Variants in ZC4H2 observed in about 807,000 individuals in gnomAD.
The protein encoded by ZC4H2 is zinc finger C4H2 domain-containing protein.
For missense variants in ZC4H2, 137 were observed against 173.9 expected (o/e 0.79, Z 1.19); for synonymous variants, 84 against 66.3 (o/e 1.27, Z -1.30).
At chrX:64,918,935 AAAG>A in intron 4 of ZC4H2, 104 bp downstream of exon 4, 2 of 1,008,662 alleles carry the variant, frequency 2.0e-6, no homozygotes, top group Non-Finnish European at 2.6e-6. Context: ...AAGGCCATTA[AAAG>A]AAGGCCCAGC....
chrX:65,022,188 C>T (rs1368579435), intron 1 of ZC4H2, among the ~76,000 whole-genome samples: 2 of 111,721 alleles, frequency 1.8e-5, no homozygotes, highest in Non-Finnish European at 3.8e-5. Flanking sequence ...AGGCCAGCAT[C>T]ATCCTGATAC....
At chrX:64,950,985 T>G (rs759665223) in intron 1 of ZC4H2, among the ~76,000 whole-genome samples, 160 of 109,740 alleles carry the variant, frequency 1.5e-3, no homozygotes, top group African/African-American at 4.6e-3. Flanking sequence ...GTCCCCAGAG[T>G]GTGATGTTCC....
intron 1 of ZC4H2, among the ~76,000 whole-genome samples, chrX:64,969,891 T>G (rs1931718372): frequency 9.0e-6 from 1 of 111,729 alleles, no homozygotes; most frequent in African/African-American, 3.3e-5. Flanking sequence ...GGGGTGGGGC[T>G]GGAGTTGAGG....
chrX:65,012,671 C>T (rs1039210634), intron 1 of ZC4H2, among the ~76,000 whole-genome samples: 12 of 112,007 alleles, frequency 1.1e-4, no homozygotes, highest in African/African-American at 3.9e-4. Flanking sequence ...ATCAGGTAGG[C>T]ATGGTTTCAG....
intron 1 of ZC4H2, among the ~76,000 whole-genome samples, chrX:64,936,579 C>A (rs763014091): frequency 1.8e-5 from 2 of 111,936 alleles, no homozygotes; most frequent in South Asian, 7.5e-4. Context: ...GATCTCTCTG[C>A]AGAAACCCTA....
At chrX:65,010,430 C>G (rs976352058) in intron 1 of ZC4H2, among the ~76,000 whole-genome samples, 1 of 112,337 alleles carries the variant, frequency 8.9e-6, no homozygotes, top group African/African-American at 3.2e-5. Flanking sequence ...TAGGGCTTTT[C>G]TCAGTTATAC....
chrX:64,958,654 T>G (rs745935572), intron 1 of ZC4H2, among the ~76,000 whole-genome samples: 18 of 110,758 alleles, frequency 1.6e-4, no homozygotes, highest in African/African-American at 4.9e-4. Context: ...TTGGTGGTGG[T>G]GGGGGGTGAT....
chrX:65,006,367 T>C (rs1932658433), intron 1 of ZC4H2, among the ~76,000 whole-genome samples: 1 of 111,445 alleles, frequency 9.0e-6, no homozygotes, highest in Admixed American at 9.5e-5. Context: ...CACCATGGAA[T>C]ACTATGCAGC....
chrX:64,986,234 C>A (rs767611260), intron 1 of ZC4H2, among the ~76,000 whole-genome samples: 2 of 112,399 alleles, frequency 1.8e-5, no homozygotes, highest in Non-Finnish European at 3.8e-5. Context: ...GCTATTAAGA[C>A]AAACATGCTT....
At chrX:65,019,851 T>C (rs745518077) in intron 1 of ZC4H2, among the ~76,000 whole-genome samples, 65 of 111,940 alleles carry the variant, frequency 5.8e-4, no homozygotes, top group African/African-American at 1.7e-3. Context: ...AATGATCCGA[T>C]GGAGATGAAA....
At chrX:64,974,606 A>C (rs1228685152) in intron 1 of ZC4H2, among the ~76,000 whole-genome samples, 2 of 111,751 alleles carry the variant, frequency 1.8e-5, no homozygotes, top group African/African-American at 3.3e-5. Flanking sequence ...CTTGACATCC[A>C]GTTTGGAGAA....
intron 2 of ZC4H2, 123 bp downstream of exon 2, chrX:64,921,694 C>T: frequency 1.3e-6 from 1 of 763,060 alleles, no homozygotes; most frequent in Non-Finnish European, 1.9e-6. Flanking sequence ...TCTGCTCTAC[C>T]ACAGCCTGCA....
Position 64,995,054 on chromosome X carries a change from C to T in ZC4H2, c.-272+39575G>A, listed in dbSNP as rs1932384532. ...GAAGGAAATTACAAAATCAGTCATGCTTTTCTAGGATTCATGGGGAAAAAA... is the reference window on the plus strand; with the variant it reads ...GAAGGAAATTACAAAATCAGTCATGTTTTTCTAGGATTCATGGGGAAAAAA... On this transcript the variant is annotated intron_variant, in intron 1 of 4. Coordinates refer to the ZC4H2 transcript ENST00000337990. Among the ~76,000 whole-genome samples, 6 of 107,077 alleles carry T rather than the reference C, an allele frequency of 5.6e-5. No individual in the cohort carries two copies. The South Asian group carries it at 2.1e-3, about 37-fold the overall frequency. 93.0% of individuals were successfully genotyped at this position (107,077 alleles called of 115,157 possible). A position where few individuals can be genotyped will look rare whatever the true frequency, so the allele number is the denominator to read the frequency against.
Position 64,951,428 on chromosome X carries a change from G to A in ZC4H2, c.53+24897C>T, listed in dbSNP as rs1415745886. Among the ~76,000 whole-genome samples the A allele has an allele frequency of 3.6e-5, 4 of 111,779 alleles. No homozygotes were observed. The Admixed American group carries it at 3.8e-4, about 11-fold the overall frequency. On this transcript the variant is annotated intron_variant, in intron 1 of 4. Coordinates refer to ENST00000374839, the MANE Select transcript of ZC4H2 (RefSeq NM_018684.4). ...TTACAGTCCCACCAACAGTGTAAAA[G>A]TGTTCCTATTTCTCCACATCCTCTC...
intron 1 of ZC4H2, among the ~76,000 whole-genome samples, chrX:64,984,492 T>C (rs1320980312): frequency 9.0e-6 from 1 of 111,392 alleles, no homozygotes; most frequent in African/African-American, 3.3e-5. Context: ...CAAAGCTTGT[T>C]TTCTTGCACT....
At chrX:64,927,360 T>G (rs1374063448) in intron 1 of ZC4H2, among the ~76,000 whole-genome samples, 4 of 110,312 alleles carry the variant, frequency 3.6e-5, no homozygotes, top group South Asian at 4.0e-4. Flanking sequence ...CAACTACCAC[T>G]TATGAGTGAG....
intron 1 of ZC4H2, among the ~76,000 whole-genome samples, chrX:65,013,775 G>C (rs1452344678): frequency 1.8e-5 from 2 of 111,416 alleles, no homozygotes; most frequent in African/African-American, 6.5e-5. Flanking sequence ...AGGTATGCTT[G>C]GATTCTTGAC....
At chrX:64,945,126 G>A (rs903178047) in intron 1 of ZC4H2, among the ~76,000 whole-genome samples, 10 of 112,879 alleles carry the variant, frequency 8.9e-5, no homozygotes, top group African/African-American at 1.3e-4. Context: ...CCTTGCTGGC[G>A]AGGAGTTGTG....
At chrX:64,999,352 C>T (rs1167395710) in intron 1 of ZC4H2, among the ~76,000 whole-genome samples, 11 of 111,875 alleles carry the variant, frequency 9.8e-5, no homozygotes, top group Admixed American at 8.5e-4. Context: ...GGGGAACTCA[C>T]TCTTAGCCAA....
Sources: allele counts gnomAD v4.1 joint callset (sites outside exome capture counted in the v4.1 genomes callset), GRCh38; gene constraint gnomAD v4.1.1; transcripts MANE v1.5; gene names NCBI Gene and HGNC (gene_info 2026-07-23, HGNC 2026-07-21).